The following PPP1R14C variants were observed in gnomAD, a reference collection of about 807,000 sequenced individuals.
PPP1R14C encodes the protein protein phosphatase 1 regulatory subunit 14C.
PPP1R14C carries 16 observed loss-of-function variants against 20.4 expected under a neutral mutation model. The ratio of observed to expected loss-of-function variants is 0.78; its 90% confidence interval spans 0.53 to 1.19. PPP1R14C has a LOEUF of 1.19. Among genes scored for constraint, PPP1R14C ranks in the 50% most tolerant of loss-of-function variants. PPP1R14C has a pLI of 0.00. For synonymous variants in PPP1R14C, 91 were observed against 91.0 expected (o/e 1.00, Z 0.00); for missense variants, 211 against 220.1 (o/e 0.96, Z 0.26).
At chr6:150,155,773 C>T (rs1402815758) in intron 1 of PPP1R14C, among the ~76,000 whole-genome samples, 1 of 151,706 alleles carries the variant, frequency 6.6e-6, no homozygotes, top group Non-Finnish European at 1.5e-5. Context: ...ACCTGTAATC[C>T]CAGCACTTTG....
At chr6:150,192,301 C>A (rs1030920195) in intron 1 of PPP1R14C, among the ~76,000 whole-genome samples, 1 of 152,146 alleles carries the variant, frequency 6.6e-6, no homozygotes, top group African/African-American at 2.4e-5. Context: ...TCACGGGAGA[C>A]AATTTTTTTC....
At position 150,201,646 on chromosome 6, in the gene PPP1R14C, A is replaced by G. The variant is rs2114897969; in HGVS notation, c.307-13098A>G. Among the ~76,000 whole-genome samples the G allele has an allele frequency of 6.6e-6, 1 of 152,250 alleles. No individual in the cohort carries two copies. Among genetic ancestry groups the G allele is most frequent in the South Asian group, 2.1e-4 (1 of 4,818 alleles). On this transcript the variant is annotated intron_variant, in intron 1 of 3. Coordinates refer to ENST00000361131, the MANE Select transcript of PPP1R14C (RefSeq NM_030949.3). This position sits in a 1 kb window ranked among gnomAD's most constrained non-coding sequence, Gnocchi z 4.2. ...TGAGTTCTAAGCTGGTGAATGACAG[A>G]TCTGTGTTCTTAAAGTTGCTACTCT...
At chr6:150,197,225 T>C (rs1479244622) in intron 1 of PPP1R14C, among the ~76,000 whole-genome samples, 1 of 152,166 alleles carries the variant, frequency 6.6e-6, no homozygotes, top group Non-Finnish European at 1.5e-5. Flanking sequence ...AGGAAAGAAC[T>C]AAGGGAGGAG....
chr6:150,234,239 G>T (rs1019327245), intron 3 of PPP1R14C, among the ~76,000 whole-genome samples: 1 of 152,162 alleles, frequency 6.6e-6, no homozygotes, highest in Non-Finnish European at 1.5e-5. Flanking sequence ...AACACCAAGT[G>T]TTGGGAAAGA....
rs1300315158 is a variant in PPP1R14C at position 150,248,622 on chromosome 6, T to TA, written c.424-122dup. The TA allele has an allele frequency of 1.3e-5, 8 of 628,096 alleles. No homozygotes were observed. In the Admixed American group the frequency reaches 1.7e-4, roughly 14 times the overall value. 38.9% of individuals were successfully genotyped at this position (628,096 alleles called of 1,614,324 possible). A position where few individuals can be genotyped will look rare whatever the true frequency, so the allele number is the denominator to read the frequency against. On this transcript the variant is annotated intron_variant, in intron 3 of 3. Transcript: ENST00000361131. The stretch of plus-strand genomic sequence containing the variant: ...AATCCTGTATTATACCAGTGGGGGT[T>TA]AACACATTCAACCAAATTCATCAAC...
chr6:150,204,996 C>T (rs200658578), intron 1 of PPP1R14C, among the ~76,000 whole-genome samples: 8 of 143,314 alleles, frequency 5.6e-5, no homozygotes, highest in East Asian at 2.1e-4. Flanking sequence ...AACTCAGAGT[C>T]TTTTTTTTTT....
At chr6:150,177,498 C>A (rs908595488) in intron 1 of PPP1R14C, among the ~76,000 whole-genome samples, 6 of 152,184 alleles carry the variant, frequency 3.9e-5, no homozygotes, top group Non-Finnish European at 5.9e-5. Context: ...CGTTCTCAGG[C>A]CTGGCCTTGG....
rs537422827 is a variant in PPP1R14C, at chr6:150,231,508, T to A, written c.423+14652T>A. On this transcript the variant is annotated intron_variant, in intron 3 of 3. Transcript: ENST00000361131. ...CCTCACTCAGTTGACATTTAAAGAT[T>A]TCAGTGTCTCCTCTCTCTTTTTCTT... is the stretch of plus-strand genomic sequence containing the variant. 8.6e-4 allele frequency among the ~76,000 whole-genome samples: 131 copies of A among 152,336 alleles called. 1 individual carries two copies. The highest frequency in any genetic ancestry group is 2.0e-3 in the Admixed American group (30 of 15,306).
rs1344000161 is a variant in PPP1R14C at position 150,143,768 on chromosome 6, CA to C, written c.306+271del. 6.6e-6 allele frequency among the ~76,000 whole-genome samples: 1 copy of C among 152,076 alleles called. No homozygotes were observed. Among genetic ancestry groups the C allele is most frequent in the Non-Finnish European group, 1.5e-5 (1 of 68,000 alleles). ...GTGGGGAGGGTTGGGTCCCGCGGAG[CA>C]CAGTGCTTTTCTCCGAGCTCCGGGC... On this transcript the variant is annotated intron_variant, in intron 1 of 3. Coordinates refer to ENST00000361131, the MANE Select transcript of PPP1R14C (RefSeq NM_030949.3). The surrounding 1 kb of genome is among the most constrained non-coding windows in gnomAD (Gnocchi z 5.6).
At chr6:150,207,695 A>G (rs978303286) in intron 1 of PPP1R14C, among the ~76,000 whole-genome samples, 1 of 152,232 alleles carries the variant, frequency 6.6e-6, no homozygotes, top group Non-Finnish European at 1.5e-5. Flanking sequence ...TCTACTCTTG[A>G]TAGATAGTCT....
chr6:150,150,852 C>T (rs1268614148), intron 1 of PPP1R14C, among the ~76,000 whole-genome samples: 1 of 152,082 alleles, frequency 6.6e-6, no homozygotes, highest in Non-Finnish European at 1.5e-5. Context: ...TCTCTCTCTT[C>T]TGTTTAAACC....
At chr6:150,190,875 C>T (rs1056000934) in intron 1 of PPP1R14C, among the ~76,000 whole-genome samples, 1 of 152,178 alleles carries the variant, frequency 6.6e-6, no homozygotes, top group Non-Finnish European at 1.5e-5. Context: ...TCCCTTCTTC[C>T]TCTCTTGCTC....
At chr6:150,205,169 C>T (rs143637821) in intron 1 of PPP1R14C, among the ~76,000 whole-genome samples, 6 of 152,020 alleles carry the variant, frequency 3.9e-5, no homozygotes, top group South Asian at 4.2e-4. Flanking sequence ...GAAAGAGAAA[C>T]CTGCCTGGTG....
At chr6:150,219,121 G>T (rs1255356692) in intron 3 of PPP1R14C, among the ~76,000 whole-genome samples, 1 of 151,770 alleles carries the variant, frequency 6.6e-6, no homozygotes, top group Non-Finnish European at 1.5e-5. Context: ...ATAATACTAT[G>T]ATTTAAACAA....
At chr6:150,229,893 G>A (rs1778274734) in intron 3 of PPP1R14C, among the ~76,000 whole-genome samples, 1 of 152,158 alleles carries the variant, frequency 6.6e-6, no homozygotes, top group Non-Finnish European at 1.5e-5. Flanking sequence ...AAAGAAGGGG[G>A]AAATTAAATG....
intron 3 of PPP1R14C, among the ~76,000 whole-genome samples, chr6:150,228,130 A>C (rs761930802): frequency 7.9e-5 from 12 of 152,224 alleles, no homozygotes; most frequent in Non-Finnish European, 1.6e-4. Flanking sequence ...TAAGATTTAT[A>C]AATTGAGGAA....
Position 150,203,611 on chromosome 6 carries a change from C to A in PPP1R14C, c.307-11133C>A, listed in dbSNP as rs562249508. ...GGTGAAACGGTCTGGATTTCGTGTTCTGTGTTAGGAAATCTAACACTGCAG... is the reference window on the plus strand; with the variant it reads ...GGTGAAACGGTCTGGATTTCGTGTTATGTGTTAGGAAATCTAACACTGCAG... On this transcript the variant is annotated intron_variant, in intron 1 of 3. Coordinates refer to ENST00000361131, the MANE Select transcript of PPP1R14C (RefSeq NM_030949.3). Among the ~76,000 whole-genome samples the A allele has an allele frequency of 2.4e-4, 37 of 152,336 alleles. No individual in the cohort carries two copies. In the South Asian group the frequency reaches 7.7e-3, roughly 32 times the overall value.
intron 3 of PPP1R14C, among the ~76,000 whole-genome samples, chr6:150,231,871 T>C (rs1212015315): frequency 6.6e-6 from 1 of 152,258 alleles, no homozygotes. Flanking sequence ...CACTGTAATG[T>C]ATTTATCCAT....
intron 3 of PPP1R14C, among the ~76,000 whole-genome samples, chr6:150,232,145 A>G (rs1473480870): frequency 2.0e-5 from 3 of 152,140 alleles, no homozygotes; most frequent in African/African-American, 4.8e-5. Flanking sequence ...CATTGTTTCA[A>G]CAAAATTTTT....
Sources: allele counts gnomAD v4.1 joint callset (sites outside exome capture counted in the v4.1 genomes callset), GRCh38; gene constraint gnomAD v4.1.1; non-coding constraint Gnocchi (gnomAD v3.1); transcripts MANE v1.5; gene names NCBI Gene and HGNC (gene_info 2026-07-23, HGNC 2026-07-21).